The following DIAPH2 variants were observed in gnomAD, a reference collection of about 807,000 sequenced individuals.
DIAPH2 encodes diaphanous related formin 2, also known as protein diaphanous homolog 2.
In DIAPH2, 35 loss-of-function variants were observed where a neutral mutation model predicts 92.7. The observed-to-expected ratio is 0.38, with a 90% CI of 0.29 to 0.50. The LOEUF is 0.50. DIAPH2 is among the 20% of genes least tolerant of loss of function. DIAPH2 has a pLI of 0.94. For missense variants in DIAPH2, 701 were observed against 819.5 expected (o/e 0.86, Z 1.77); for synonymous variants, 301 against 280.4 (o/e 1.07, Z -0.73).
chrX:97,185,472 CACATATATATAT>C lies in DIAPH2; in HGVS notation c.2719+43680_2719+43691del, dbSNP rs1445262408. 9.8e-4 allele frequency among the ~76,000 whole-genome samples: 7 copies of C among 7,178 alleles called. 1 individual carries two copies. In the East Asian group the frequency reaches 0.025, roughly 25 times the overall value. The allele number at this position is 7,178 out of a possible 115,157, so 6.2% of individuals were successfully genotyped here. On this transcript the variant is annotated intron_variant, in intron 22 of 26. Transcript: ENST00000324765. Reference sequence around the variant, plus strand: ...ATGTGTGTGTATATATATATATATACACATATATATATATATATATATATATATATATATATA... The same window carrying C: ...ATGTGTGTGTATATATATATATATACATATATATATATATATATATATATA...
chrX:96,941,111 A>G (rs954548688), intron 12 of DIAPH2, among the ~76,000 whole-genome samples: 1 of 112,105 alleles, frequency 8.9e-6, no homozygotes, highest in East Asian at 2.8e-4. Flanking sequence ...CAGACCCATT[A>G]CTAAAGACAT....
Position 97,432,867 on chromosome X carries a change from C to T in DIAPH2, c.3241+3122C>T, listed in dbSNP as rs145777323. Among the ~76,000 whole-genome samples, 630 of 112,176 alleles carry T rather than the reference C, an allele frequency of 5.6e-3. 2 individuals carry two copies. Among genetic ancestry groups the T allele is most frequent in the African/African-American group, 0.019 (598 of 30,902 alleles). On this transcript the variant is annotated intron_variant, in intron 26 of 26. Transcript: ENST00000324765. ...CGAACTCCTGACCTCAGGTGATCTA[C>T]CCACTTGGGCCTCCCAAATTGCTGG... is the stretch of plus-strand genomic sequence containing the variant.
chrX:97,479,490 C>A (rs894943586), intron 26 of DIAPH2, among the ~76,000 whole-genome samples: 8 of 112,329 alleles, frequency 7.1e-5, no homozygotes, highest in Non-Finnish European at 1.1e-4. Context: ...CATCAGCATT[C>A]ACTGTGTACC....
chrX:97,450,122 C>A (rs2070346757), intron 26 of DIAPH2, among the ~76,000 whole-genome samples: 1 of 110,906 alleles, frequency 9.0e-6, no homozygotes, highest in South Asian at 3.8e-4. Context: ...TTCTACATTG[C>A]CTGGAAATAA....
At chrX:97,560,772 C>T (rs1010368040) in intron 26 of DIAPH2, among the ~76,000 whole-genome samples, 1 of 112,753 alleles carries the variant, frequency 8.9e-6, no homozygotes, top group East Asian at 2.8e-4. Flanking sequence ...GGATTATAGG[C>T]GTGAGCCACC....
chrX:97,115,763 T>C (rs1382946698), intron 21 of DIAPH2, among the ~76,000 whole-genome samples: 1 of 111,561 alleles, frequency 9.0e-6, no homozygotes, highest in Non-Finnish European at 1.9e-5. Context: ...AAAAAGAAAA[T>C]TGAATAACAA....
At chrX:97,261,596 G>A (rs1174157576) in intron 23 of DIAPH2, among the ~76,000 whole-genome samples, 1 of 110,166 alleles carries the variant, frequency 9.1e-6, no homozygotes, top group Non-Finnish European at 1.9e-5. Flanking sequence ...TTTTAGAGAT[G>A]AGGTCTGGCT....
chrX:97,175,629 A>G (rs774449473), intron 22 of DIAPH2, among the ~76,000 whole-genome samples: 1 of 111,927 alleles, frequency 8.9e-6, no homozygotes, highest in Non-Finnish European at 1.9e-5. Flanking sequence ...GAGATTAATT[A>G]CTATCTTTGT....
chrX:97,475,701 C>T (rs2070597862), intron 26 of DIAPH2, among the ~76,000 whole-genome samples: 1 of 111,930 alleles, frequency 8.9e-6, no homozygotes, highest in South Asian at 3.7e-4. Context: ...AAGAATGAAC[C>T]ATCAATCAGG....
chrX:96,950,504 A>G (rs1371956769), intron 15 of DIAPH2, among the ~76,000 whole-genome samples: 1 of 111,678 alleles, frequency 9.0e-6, no homozygotes, highest in African/African-American at 3.3e-5. Flanking sequence ...CTGACAAATT[A>G]AGCTAGTCAG....
At chrX:97,464,389 A>T (rs1208512015) in intron 26 of DIAPH2, among the ~76,000 whole-genome samples, 3 of 107,884 alleles carry the variant, frequency 2.8e-5, no homozygotes, top group African/African-American at 1.0e-4. Context: ...AGGCAGGAGA[A>T]TGGCATGAAC....
At chrX:96,728,212 G>GTT (rs781113802) in intron 1 of DIAPH2, among the ~76,000 whole-genome samples, 1 of 102,486 alleles carries the variant, frequency 9.8e-6, no homozygotes. Flanking sequence ...TATATGGTTA[G>GTT]TTTTTTTTTT....
At chrX:96,879,335 C>T (rs759095940) in intron 4 of DIAPH2, among the ~76,000 whole-genome samples, 16 of 111,026 alleles carry the variant, frequency 1.4e-4, no homozygotes, top group Non-Finnish European at 2.1e-4. Context: ...ACAAAGGTCA[C>T]GCAACAGGGT....
intron 25 of DIAPH2, among the ~76,000 whole-genome samples, chrX:97,389,548 G>A (rs1362966140): frequency 9.3e-6 from 1 of 108,091 alleles, no homozygotes; most frequent in Admixed American, 1.0e-4. Flanking sequence ...CAATTCCTAC[G>A]CTCCTCCAAG....
intron 26 of DIAPH2, among the ~76,000 whole-genome samples, chrX:97,549,209 A>C (rs2071202504): frequency 8.9e-6 from 1 of 112,221 alleles, no homozygotes; most frequent in African/African-American, 3.2e-5. Flanking sequence ...ATTTACTGTG[A>C]AGTAGATCTT....
chrX:97,311,223 G>C (rs1021624589), intron 23 of DIAPH2, among the ~76,000 whole-genome samples: 1 of 111,064 alleles, frequency 9.0e-6, no homozygotes, highest in African/African-American at 3.3e-5. Context: ...GGAAGTAATT[G>C]CAATAATCTA....
intron 26 of DIAPH2, among the ~76,000 whole-genome samples, chrX:97,461,248 T>G (rs1218362050): frequency 1.8e-5 from 2 of 110,602 alleles, no homozygotes; most frequent in African/African-American, 3.3e-5. Flanking sequence ...TTTTTTTTTT[T>G]GTAGCAAATA....
At chrX:97,273,306 A>T (rs1480407051) in intron 23 of DIAPH2, among the ~76,000 whole-genome samples, 3 of 112,231 alleles carry the variant, frequency 2.7e-5, no homozygotes, top group Non-Finnish European at 5.6e-5. Context: ...AGAAATATGA[A>T]TAAATTTTTA....
intron 23 of DIAPH2, among the ~76,000 whole-genome samples, chrX:97,339,518 A>G (rs1221966351): frequency 1.8e-5 from 2 of 111,460 alleles, no homozygotes; most frequent in Non-Finnish European, 3.8e-5. Context: ...CTATCTCAAA[A>G]GAAAAAAAAA....
Sources: gnomAD v4.1 joint callset for allele counts (sites outside exome capture counted in the v4.1 genomes callset) on GRCh38, gnomAD v4.1.1 for gene constraint, MANE v1.5 for transcripts, NCBI Gene and HGNC (gene_info 2026-07-23, HGNC 2026-07-21) for gene names.